Variants in PXT1 observed in about 807,000 individuals in gnomAD.
PXT1 encodes peroxisomal testis-specific protein 1.
A neutral mutation model predicts 11.0 loss-of-function variants in PXT1; 11 were observed. The observed-to-expected ratio is 1.00, with a 90% CI of 0.63 to 1.66. The LOEUF (loss-of-function observed/expected upper bound fraction) is 1.66. Ranked by LOEUF, PXT1 falls within the 40% of genes most tolerant of loss-of-function variation. The probability of loss-of-function intolerance (pLI) is 0.00; values close to 1 mark genes in which losing one functional copy is unlikely to be tolerated. For synonymous variants in PXT1, 43 were observed against 51.4 expected, an observed-to-expected ratio of 0.84 and a Z score of 0.70; for missense variants, 141 against 155.5, an observed-to-expected ratio of 0.91 and a Z score of 0.49.
rs538297415 is a variant in PXT1 at position 36,425,654 on chromosome 6, G to C, written c.169+260C>G. On this transcript the variant is annotated intron_variant, in intron 3 of 4. Coordinates refer to ENST00000454782, the MANE Select transcript of PXT1 (RefSeq NM_152990.4). ...ATTTAAAAAATTAGCCCAGCGTGGT[G>C]GTGGGCGCCTGCAATCCCAGCTACT... is the stretch of plus-strand genomic sequence containing the variant. Among the ~76,000 whole-genome samples the C allele has an allele frequency of 3.3e-5, 5 of 151,852 alleles. No homozygotes were observed. In the South Asian group the frequency reaches 8.3e-4, roughly 25 times the overall value.
intron 3 of PXT1, among the ~76,000 whole-genome samples, chr6:36,415,170 C>A (rs563342723): frequency 2.0e-5 from 3 of 152,106 alleles, no homozygotes; most frequent in African/African-American, 7.2e-5. Flanking sequence ...CGGCCAGGCG[C>A]GGGGGCTCAT....
chr6:36,417,683 G>A (rs369664714), intron 3 of PXT1, among the ~76,000 whole-genome samples: 2 of 149,184 alleles, frequency 1.3e-5, no homozygotes, highest in African/African-American at 2.5e-5. Context: ...TGGGAGGATC[G>A]CTTGAGCCCA....
intron 3 of PXT1, among the ~76,000 whole-genome samples, chr6:36,418,619 A>G (rs1290004780): frequency 6.6e-6 from 1 of 152,266 alleles, no homozygotes; most frequent in Non-Finnish European, 1.5e-5. Flanking sequence ...ACATTGGGCA[A>G]CTAGTGAGAA....
intron 2 of PXT1, among the ~76,000 whole-genome samples, chr6:36,436,238 G>A (rs1294761349): frequency 1.3e-5 from 2 of 151,836 alleles, no homozygotes; most frequent in Non-Finnish European, 2.9e-5. Context: ...AAAAAAAAGT[G>A]AGAAACTCTT....
In PXT1 at chr6:36,425,927, C is replaced by T; in HGVS notation, c.156G>A (p.Met52Ile). Reference sequence around the variant, plus strand: ...CAAATATCTTACCTGGGTTCCTTGACATGGCTGGAACTGGCTGGGAGCTGA... The same window carrying T: ...CAAATATCTTACCTGGGTTCCTTGATATGGCTGGAACTGGCTGGGAGCTGA... ...QLVSSQPVPA[M>I]SRNPDHNLLS... The change falls in exon 3 of 5, where the codon ATG (methionine) becomes ATA (isoleucine). Residue 52 changes from methionine (M) to isoleucine (I), a missense_variant. Physicochemically the swap from Met to Ile is conservative, Grantham distance 10 (BLOSUM62 1). Transcript: ENST00000454782. 1.3e-6 allele frequency: 2 copies of T among 1,534,334 alleles called. No homozygotes were observed. Among genetic ancestry groups the T allele is most frequent in the Non-Finnish European group, 1.7e-6 (2 of 1,145,976 alleles).
At chr6:36,409,646 C>T (rs959612944) in intron 3 of PXT1, among the ~76,000 whole-genome samples, 9 of 151,370 alleles carry the variant, frequency 5.9e-5, no homozygotes, top group South Asian at 4.2e-4. Flanking sequence ...GGTAACATGA[C>T]GAAACCGCGT....
chr6:36,416,687 C>T (rs1220491790), intron 3 of PXT1, among the ~76,000 whole-genome samples: 1 of 152,144 alleles, frequency 6.6e-6, no homozygotes, highest in Non-Finnish European at 1.5e-5. Flanking sequence ...ACCTACTATA[C>T]AATAAATCCT....
At position 36,400,581 on chromosome 6, in the gene PXT1, T is replaced by C. The variant is rs780235121; in HGVS notation, c.173A>G (p.His58Arg). 7.1e-5 allele frequency: 114 copies of C among 1,612,212 alleles called. 1 individual carries two copies. The highest frequency in any genetic ancestry group is 7.9e-5 in the Non-Finnish European group (93 of 1,179,454). The change falls in exon 4 of 5, where the codon CAT becomes CGT. Residue 58 changes from histidine (H) to arginine (R), a missense_variant. Physicochemically the swap from His to Arg is conservative, Grantham distance 29. Transcript: ENST00000454782. ...PVPAMSRNPD[H>R]NLLSQPKEHS... ...CTCCTTGGGCTGAGAAAGTAGATTATGATCTGCATTGAGAAAAAAGAGTTC... is the reference window on the plus strand; with the variant it reads ...CTCCTTGGGCTGAGAAAGTAGATTACGATCTGCATTGAGAAAAAAGAGTTC...
At chr6:36,400,169 G>A (rs909070297) in intron 4 of PXT1, among the ~76,000 whole-genome samples, 27 of 152,292 alleles carry the variant, frequency 1.8e-4, no homozygotes, top group African/African-American at 5.8e-4. Context: ...GATTCTGACT[G>A]TGTGGGCTGG....
At chr6:36,413,393 G>A (rs1385192582) in intron 3 of PXT1, among the ~76,000 whole-genome samples, 2 of 150,446 alleles carry the variant, frequency 1.3e-5, no homozygotes, top group Non-Finnish European at 3.0e-5. Context: ...CTCCAGCCTA[G>A]GTGACAGAGC....
At chr6:36,395,012 AAAAG>A in intron 4 of PXT1, among the ~76,000 whole-genome samples, 1 of 152,178 alleles carries the variant, frequency 6.6e-6, no homozygotes, top group Non-Finnish European at 1.5e-5. Context: ...TCAAACAAAA[AAAAG>A]AGAGAGAGAG....
intron 3 of PXT1, among the ~76,000 whole-genome samples, chr6:36,409,862 G>GAAGGAAGGAGAA (rs34985544): frequency 2.1e-5 from 3 of 143,546 alleles, no homozygotes; most frequent in African/African-American, 7.8e-5. Flanking sequence ...AGGAAGGAAG[G>GAAGGAAGGAGAA]AGAAAGAAAA....
chr6:36,429,886 A>G (rs1255166561), intron 2 of PXT1, among the ~76,000 whole-genome samples: 1 of 151,966 alleles, frequency 6.6e-6, no homozygotes, highest in Non-Finnish European at 1.5e-5. Flanking sequence ...TTCTGATATA[A>G]AGCTTAAAAT....
At chr6:36,425,702 C>T (rs1582267506) in intron 3 of PXT1, among the ~76,000 whole-genome samples, 1 of 151,586 alleles carries the variant, frequency 6.6e-6, no homozygotes, top group African/African-American at 2.4e-5. Flanking sequence ...GCAGGAGAAT[C>T]GCTTAAACCC....
At chr6:36,424,634 G>A (rs1035344379) in intron 3 of PXT1, among the ~76,000 whole-genome samples, 1 of 152,032 alleles carries the variant, frequency 6.6e-6, no homozygotes, top group African/African-American at 2.4e-5. Flanking sequence ...GCGAGACTCC[G>A]TCTCAAAAAA....
At chr6:36,433,540 C>G (rs548507103) in intron 2 of PXT1, among the ~76,000 whole-genome samples, 1 of 152,036 alleles carries the variant, frequency 6.6e-6, no homozygotes, top group Admixed American at 6.6e-5. Context: ...AGAGGCTAGG[C>G]CGGGCACGGT....
intron 1 of PXT1, among the ~76,000 whole-genome samples, chr6:36,439,665 A>G (rs1349913272): frequency 1.4e-5 from 2 of 145,412 alleles, no homozygotes; most frequent in Non-Finnish European, 3.0e-5. Context: ...AAAAAAAACA[A>G]CTAAGCATTC....
intron 3 of PXT1, among the ~76,000 whole-genome samples, chr6:36,409,404 C>A (rs892358822): frequency 6.6e-6 from 1 of 152,218 alleles, no homozygotes; most frequent in Non-Finnish European, 1.5e-5. Context: ...CCATCTACCC[C>A]ACCAAGACGC....
chr6:36,425,014 G>C (rs1325224447), intron 3 of PXT1, among the ~76,000 whole-genome samples: 2 of 152,234 alleles, frequency 1.3e-5, no homozygotes, highest in African/African-American at 4.8e-5. Flanking sequence ...TTAGATATTA[G>C]GTTGAAGTTA....
Sources: allele counts gnomAD v4.1 joint callset (sites outside exome capture counted in the v4.1 genomes callset), GRCh38; gene constraint gnomAD v4.1.1; transcripts MANE v1.5; gene names NCBI Gene and HGNC (gene_info 2026-07-23, HGNC 2026-07-21).